The following SERINC5 variants were observed in gnomAD, a reference collection of about 807,000 sequenced individuals.
The protein encoded by SERINC5 is chromosome 5 open reading frame 12.
In SERINC5, 41 loss-of-function variants were observed where a neutral mutation model predicts 63.1. That is an observed-to-expected ratio of 0.65 (90% CI 0.51 to 0.84). SERINC5 has a LOEUF of 0.84. SERINC5 is among the 40% of genes least tolerant of loss of function. The pLI is 0.00. For synonymous variants in SERINC5, 222 were observed against 215.2 expected, an observed-to-expected ratio of 1.03 and a Z score of -0.28; for missense variants, 523 against 573.0, an observed-to-expected ratio of 0.91 and a Z score of 0.89.
chr5:80,136,025 A>G (rs73125937), downstream of SERINC5, among the ~76,000 whole-genome samples: 3,179 of 152,212 alleles, frequency 0.021, 111 homozygotes, highest in African/African-American at 0.072. Flanking sequence ...CTGCCAAATA[A>G]TGTGAATGTT....
chr5:80,150,630 T>G lies in SERINC5; in HGVS notation c.1053+252A>C, dbSNP rs868261689. Among the ~76,000 whole-genome samples the G allele has an allele frequency of 3.6e-4, 55 of 152,224 alleles. 1 individual carries two copies. Among genetic ancestry groups the G allele is most frequent in the African/African-American group, 1.3e-3 (53 of 41,520 alleles). Reference sequence around the variant, plus strand: ...TTTGTATTTTTAGTAGAGATGGGGTTTCACCATGTTGGCCAGGCTGGTCTT... The same window carrying G: ...TTTGTATTTTTAGTAGAGATGGGGTGTCACCATGTTGGCCAGGCTGGTCTT... On this transcript the variant is annotated intron_variant, in intron 9 of 11. Transcript: ENST00000507668.
intron 2 of SERINC5, chr5:80,198,564 T>C (rs115975026): frequency 0.01 from 9,937 of 985,360 alleles, 52 homozygotes; most frequent in Middle Eastern, 0.017. Context: ...ATCCGGGCCG[T>C]TACAAGCATG....
intron 1 of SERINC5, among the ~76,000 whole-genome samples, chr5:80,237,347 T>C (rs1232240167): frequency 6.6e-6 from 1 of 151,196 alleles, no homozygotes; most frequent in East Asian, 1.9e-4. Context: ...TTCTCTCTCT[T>C]TTTTTTTCAT....
chr5:80,177,386 A>G lies in SERINC5; in HGVS notation c.386T>C (p.Phe129Ser). 6.2e-7 allele frequency: 1 copy of G among 1,613,466 alleles called. No homozygotes were observed. The highest frequency in any genetic ancestry group is 8.5e-7 in the Non-Finnish European group (1 of 1,179,508). The change falls in exon 4 of 12, where the codon TTT becomes TCT. Residue 129 changes from phenylalanine (F) to serine (S), a missense_variant. By Grantham distance (155) the Phe-to-Ser change is radical (BLOSUM62 -2). Coordinates refer to ENST00000507668, the MANE Select transcript of SERINC5 (RefSeq NM_001174072.3). Reference protein sequence around the residue: ...RAHIHNGFWFFKLLLLGAMCS... With the variant: ...RAHIHNGFWFSKLLLLGAMCS... ...CATGGCCCCCAACAGCAGAAGTTTA[A>G]AGAACCAAAAGCTAGAAGTGGGGGG...
intron 11 of SERINC5, among the ~76,000 whole-genome samples, chr5:80,121,692 T>C (rs1255353007): frequency 1.3e-5 from 2 of 152,168 alleles, no homozygotes; most frequent in Non-Finnish European, 2.9e-5. Flanking sequence ...GCCTTATGGT[T>C]CTGCAGGCTG....
chr5:80,153,080 T>C (rs2112327275), intron 8 of SERINC5, among the ~76,000 whole-genome samples: 1 of 152,328 alleles, frequency 6.6e-6, no homozygotes, highest in Middle Eastern at 3.4e-3. Context: ...GGGAAGCTTT[T>C]GATTTTACTT....
chr5:80,147,190 GAGTTAT>G, intron 10 of SERINC5, 49 bp downstream of exon 10: 1 of 1,477,492 alleles, frequency 6.8e-7, no homozygotes, highest in Non-Finnish European at 9.3e-7. Flanking sequence ...CTACAGATTA[GAGTTAT>G]AGGTCTGCAG....
chr5:80,212,192 T>TC (rs1750465657), intron 1 of SERINC5, among the ~76,000 whole-genome samples: 2 of 152,274 alleles, frequency 1.3e-5, no homozygotes, highest in South Asian at 4.1e-4. Context: ...TATAATACTG[T>TC]TCCTTAATAA....
Position 80,143,797 on chromosome 5 carries a change from T to C in SERINC5, c.1252A>G (p.Asn418Asp), listed in dbSNP as rs1228895635. The C allele has an allele frequency of 6.5e-7, 1 of 1,536,138 alleles. No individual in the cohort carries two copies. The change falls in exon 12 of 12, where the codon AAC (asparagine) becomes GAC (aspartate). Residue 418 changes from asparagine to aspartate, a missense_variant. Transcript: ENST00000507668. ...CTCCCGCTGAAGAAGCTCTCGATGTTGGCACTTTCGTAGCTGTGGAAACAA... is the reference window on the plus strand; with the variant it reads ...CTCCCGCTGAAGAAGCTCTCGATGTCGGCACTTTCGTAGCTGTGGAAACAA... ...VTNWFNYESA[N>D]IESFFSGSWS...
intron 2 of SERINC5, among the ~76,000 whole-genome samples, chr5:80,183,205 G>A (rs1172890342): frequency 6.6e-6 from 1 of 152,192 alleles, no homozygotes; most frequent in African/African-American, 2.4e-5. Context: ...CAATTGGCAG[G>A]AGAGCACAGA....
intron 1 of SERINC5, among the ~76,000 whole-genome samples, chr5:80,249,532 G>A (rs1447825430): frequency 6.6e-6 from 1 of 152,178 alleles, no homozygotes; most frequent in East Asian, 1.9e-4. Flanking sequence ...GCCGGGCACA[G>A]TGGCTCAGTC....
chr5:80,118,714 A>ATTTTTTTTTT (rs34814066), intron 11 of SERINC5, among the ~76,000 whole-genome samples: 2 of 108,234 alleles, frequency 1.8e-5, no homozygotes, highest in Admixed American at 1.1e-4. Flanking sequence ...TGTCCAGCTA[A>ATTTTTTTTTT]TTTTTTTTTT....
At position 80,142,729 on chromosome 5, in the gene SERINC5, A is replaced by T. The variant is rs1745585624; in HGVS notation, c.*934T>A. The T allele has an allele frequency of 1.0e-6, 1 of 985,366 alleles. No homozygotes were observed. The highest frequency in any genetic ancestry group is 4.7e-5 in the South Asian group (1 of 21,292). 61.0% of individuals were successfully genotyped at this position (985,366 alleles called of 1,614,324 possible). A position where few individuals can be genotyped will look rare whatever the true frequency, so the allele number is the denominator to read the frequency against. ...ACTGAGGGGCTGACCTCAACAACTG[A>T]AAGAGCAGTGCATGCAGCAGGCTTC... On this transcript the variant is annotated 3_prime_UTR_variant, in exon 12 of 12. Coordinates refer to ENST00000507668, the MANE Select transcript of SERINC5 (RefSeq NM_001174072.3).
intron 1 of SERINC5, among the ~76,000 whole-genome samples, chr5:80,208,848 A>G (rs1750299013): frequency 1.3e-5 from 2 of 152,222 alleles, no homozygotes; most frequent in South Asian, 2.1e-4. Context: ...TACGACCTAT[A>G]CAATGAAATA....
intron 1 of SERINC5, among the ~76,000 whole-genome samples, chr5:80,208,300 A>T (rs1750266861): frequency 6.6e-6 from 1 of 151,766 alleles, no homozygotes. Context: ...AGGCCGTGCA[A>T]GTGGGGAGGG....
intron 5 of SERINC5, among the ~76,000 whole-genome samples, chr5:80,174,402 TAA>T (rs1356265784): frequency 2.3e-4 from 33 of 143,012 alleles, no homozygotes; most frequent in Admixed American, 9.2e-4. Context: ...ATAATAATAA[TAA>T]AAGAAAAAGA....
At chr5:80,187,764 C>G in intron 2 of SERINC5, among the ~76,000 whole-genome samples, 1 of 152,222 alleles carries the variant, frequency 6.6e-6, no homozygotes, top group African/African-American at 2.4e-5. Flanking sequence ...ACTGAGAATG[C>G]GAGTTCACAG....
chr5:80,212,422 C>A (rs935370337), intron 1 of SERINC5, among the ~76,000 whole-genome samples: 5 of 152,208 alleles, frequency 3.3e-5, no homozygotes, highest in Admixed American at 6.5e-5. Context: ...ATACATAATA[C>A]TGCCCATGCC....
At chr5:80,180,493 G>A (rs1357100089) in intron 2 of SERINC5, among the ~76,000 whole-genome samples, 1 of 152,160 alleles carries the variant, frequency 6.6e-6, no homozygotes, top group African/African-American at 2.4e-5. Context: ...CAACCCAAAT[G>A]AGAGACTGAG....
Sources: gnomAD v4.1 joint callset for allele counts (sites outside exome capture counted in the v4.1 genomes callset) on GRCh38, gnomAD v4.1.1 for gene constraint, MANE v1.5 for transcripts, NCBI Gene and HGNC (gene_info 2026-07-23, HGNC 2026-07-21) for gene names.